Variants in CTDSPL2 observed in about 807,000 individuals in gnomAD.
The protein encoded by CTDSPL2 is CTD small phosphatase-like protein 2.
CTDSPL2 carries 5 observed loss-of-function variants against 60.0 expected under a neutral mutation model. The ratio of observed to expected loss-of-function variants is 0.08; its 90% confidence interval spans 0.04 to 0.18. CTDSPL2 has a LOEUF of 0.18. CTDSPL2 is among the 10% of genes least tolerant of loss of function. CTDSPL2 has a pLI of 1.00. For missense variants in CTDSPL2, 370 were observed against 548.8 expected, an observed-to-expected ratio of 0.67 and a Z score of 3.26; for synonymous variants, 186 against 189.3, an observed-to-expected ratio of 0.98 and a Z score of 0.14.
chr15:44,506,611 C>G lies in CTDSPL2; in HGVS notation c.969+6798C>G, dbSNP rs1449609005. ...TGTATGTTTTGTAGAGACGGGGTTT[C>G]TCTGTGTTGCCCAGGCTGGTCTCAA... On this transcript the variant is annotated intron_variant, in intron 8 of 12. Transcript: ENST00000260327. Among the ~76,000 whole-genome samples, 3 of 151,020 alleles carry G rather than the reference C, an allele frequency of 2.0e-5. No individual in the cohort carries two copies. In the East Asian group the frequency reaches 5.9e-4, roughly 30 times the overall value.
At chr15:44,457,325 C>G (rs531502760) in intron 1 of CTDSPL2, among the ~76,000 whole-genome samples, 28 of 152,350 alleles carry the variant, frequency 1.8e-4, no homozygotes, top group South Asian at 4.1e-4. Flanking sequence ...TTCTGGATAA[C>G]TTGCCTCCAC....
intron 1 of CTDSPL2, among the ~76,000 whole-genome samples, chr15:44,456,318 ACCAGCTC>A (rs1243041115): frequency 6.6e-6 from 1 of 152,200 alleles, no homozygotes; most frequent in African/African-American, 2.4e-5. Context: ...AAGGAATGGT[ACCAGCTC>A]CTACTTGTAC....
At chr15:44,472,501 T>C (rs2080831000) in intron 2 of CTDSPL2, among the ~76,000 whole-genome samples, 2 of 152,126 alleles carry the variant, frequency 1.3e-5, no homozygotes, top group Admixed American at 1.3e-4. Flanking sequence ...AAATGTCTGG[T>C]ATTTTAATTG....
intron 2 of CTDSPL2, among the ~76,000 whole-genome samples, chr15:44,481,546 A>G (rs1326763673): frequency 6.6e-6 from 1 of 152,172 alleles, no homozygotes; most frequent in East Asian, 1.9e-4. Flanking sequence ...TTCAGCTGCT[A>G]CATAGGCACA....
chr15:44,473,114 T>C (rs1184198847), intron 2 of CTDSPL2, among the ~76,000 whole-genome samples: 2 of 152,110 alleles, frequency 1.3e-5, no homozygotes, highest in Non-Finnish European at 2.9e-5. Context: ...CTTGATATAA[T>C]CTAGATACAA....
intron 1 of CTDSPL2, among the ~76,000 whole-genome samples, chr15:44,458,787 G>T (rs949130536): frequency 6.6e-6 from 1 of 152,092 alleles, no homozygotes; most frequent in Non-Finnish European, 1.5e-5. Flanking sequence ...TGTTGGGAAG[G>T]TTACTTGGGA....
chr15:44,467,014 T>C (rs2080710683), intron 2 of CTDSPL2, among the ~76,000 whole-genome samples: 1 of 152,226 alleles, frequency 6.6e-6, no homozygotes, highest in Non-Finnish European at 1.5e-5. Flanking sequence ...GTTAAGTATT[T>C]ATGTTTCTCA....
At chr15:44,448,340 C>T (rs1384057491) in intron 1 of CTDSPL2, 1 of 259,874 alleles carries the variant, frequency 3.8e-6, no homozygotes, top group Non-Finnish European at 7.8e-6. Flanking sequence ...CCTTTGTGCT[C>T]CACAAAGCCC....
intron 1 of CTDSPL2, among the ~76,000 whole-genome samples, chr15:44,439,183 C>G (rs2080033883): frequency 6.6e-6 from 1 of 151,802 alleles, no homozygotes; most frequent in Non-Finnish European, 1.5e-5. Context: ...GAGTCTCGCT[C>G]TGTCGCCCAG....
intron 2 of CTDSPL2, among the ~76,000 whole-genome samples, chr15:44,475,822 T>C (rs1220188127): frequency 6.6e-6 from 1 of 152,194 alleles, no homozygotes; most frequent in African/African-American, 2.4e-5. Context: ...TCTATTTAAG[T>C]ATGTTCTATT....
rs533148167 is a variant in CTDSPL2 at position 44,444,950 on chromosome 15, C to T, written c.-24-14041C>T. Among the ~76,000 whole-genome samples the T allele has an allele frequency of 1.2e-3, 174 of 147,934 alleles. 1 individual carries two copies. Among genetic ancestry groups the T allele is most frequent in the African/African-American group, 4.2e-3 (170 of 40,184 alleles). ...GCAAGCTCCACCTCCCGGGTTCACACCATTCTCCTGCCTCAGCCTCCCGAG... is the reference window on the plus strand; with the variant it reads ...GCAAGCTCCACCTCCCGGGTTCACATCATTCTCCTGCCTCAGCCTCCCGAG... On this transcript the variant is annotated intron_variant, in intron 1 of 12. Transcript: ENST00000260327.
chr15:44,438,270 A>G (rs553729911), intron 1 of CTDSPL2, among the ~76,000 whole-genome samples: 10 of 152,210 alleles, frequency 6.6e-5, no homozygotes, highest in Middle Eastern at 3.4e-3. Flanking sequence ...TCTCAAAAAA[A>G]AAAAAAAAGA....
intron 2 of CTDSPL2, among the ~76,000 whole-genome samples, chr15:44,475,590 G>A (rs1395674172): frequency 2.0e-5 from 3 of 148,822 alleles, no homozygotes; most frequent in African/African-American, 7.4e-5. Context: ...AGTGAGCTGA[G>A]ATCATGCCAC....
rs2081122705 is a variant in CTDSPL2 at position 44,486,609 on chromosome 15, T to G, written c.384T>G (p.Asp128Glu). 1 of 1,594,084 alleles carries G rather than the reference T, an allele frequency of 6.3e-7. No individual in the cohort carries two copies. The highest frequency in any genetic ancestry group is 1.8e-5 in the Admixed American group (1 of 56,678). Residue 128 changes from aspartate (D) to glutamate (E), a missense_variant, in exon 4 of 13, where the codon GAT becomes GAG. Transcript: ENST00000260327. ...TAAAACAAAATGGAAAATTAGAAGA[T>G]AATCCTTCCTCTGGCAGTCCTCCAA... ...QHVKQNGKLE[D>E]NPSSGSPPRT...
chr15:44,444,911 G>A (rs1326419039), intron 1 of CTDSPL2, among the ~76,000 whole-genome samples: 2 of 135,480 alleles, frequency 1.5e-5, no homozygotes, highest in African/African-American at 2.8e-5. Context: ...GCAGTGGCGC[G>A]ATCTCAGCTC....
At chr15:44,429,635 A>G (rs1011485476) in intron 1 of CTDSPL2, among the ~76,000 whole-genome samples, 4 of 152,212 alleles carry the variant, frequency 2.6e-5, no homozygotes, top group African/African-American at 7.2e-5. Context: ...TGGGAGGCCA[A>G]GGCAGGCGGA....
chr15:44,444,847 T>TTTG (rs2080174299), intron 1 of CTDSPL2, among the ~76,000 whole-genome samples: 1 of 122,032 alleles, frequency 8.2e-6, no homozygotes, highest in African/African-American at 3.6e-5. Flanking sequence ...TTTTTTTTTT[T>TTTG]TTTTTTTTTT....
At chr15:44,466,260 C>T (rs1410801937) in intron 2 of CTDSPL2, among the ~76,000 whole-genome samples, 3 of 152,118 alleles carry the variant, frequency 2.0e-5, no homozygotes, top group Non-Finnish European at 4.4e-5. Flanking sequence ...TCAAGTGATT[C>T]ACCCGCCTTG....
intron 2 of CTDSPL2, among the ~76,000 whole-genome samples, chr15:44,470,134 A>G (rs1033910557): frequency 2.0e-5 from 3 of 150,682 alleles, no homozygotes; most frequent in Admixed American, 6.6e-5. Context: ...GCGACTGCAT[A>G]GTCAGCTATC....
Sources: allele counts gnomAD v4.1 joint callset (sites outside exome capture counted in the v4.1 genomes callset), GRCh38; gene constraint gnomAD v4.1.1; transcripts MANE v1.5; gene names NCBI Gene and HGNC (gene_info 2026-07-23, HGNC 2026-07-21).